ESRRB: variants seen among roughly 807,000 people sequenced by gnomAD.
ESRRB encodes the protein steroid hormone receptor ERR2.
Under a neutral mutation model 46.0 loss-of-function variants are expected in ESRRB, and 16 were observed. The ratio of observed to expected loss-of-function variants is 0.35; its 90% confidence interval spans 0.24 to 0.53. The LOEUF is 0.53. Ranked by LOEUF, ESRRB falls within the 20% of genes least tolerant of loss-of-function variation. The probability of loss-of-function intolerance (pLI) is 0.93; values close to 1 mark genes in which losing one functional copy is unlikely to be tolerated. For missense variants in ESRRB, 488 were observed against 607.4 expected (o/e 0.80, Z 2.07); for synonymous variants, 246 against 259.6 (o/e 0.95, Z 0.50).
chr14:76,449,133 GA>G (rs1215416923), intron 2 of ESRRB, among the ~76,000 whole-genome samples: 10 of 152,128 alleles, frequency 6.6e-5, no homozygotes, highest in African/African-American at 2.4e-4. Flanking sequence ...ACCATAAGGG[GA>G]GTTCTTTTTT....
chr14:76,404,389 C>T (rs1443981242), intron 1 of ESRRB: 1 of 151,066 alleles, frequency 6.6e-6, no homozygotes. Flanking sequence ...TCTGTCTCTC[C>T]CACCAGAATA....
At chr14:76,338,169 AAGGGTTTGTC>A (rs986126264) in intron 1 of ESRRB, among the ~76,000 whole-genome samples, 18 of 152,250 alleles carry the variant, frequency 1.2e-4, no homozygotes, top group Non-Finnish European at 2.1e-4. Context: ...ACGCATTAAA[AAGGGTTTGTC>A]AGGATCTTAT....
chr14:76,317,903 C>G (rs1030208632), intron 1 of ESRRB, among the ~76,000 whole-genome samples: 9 of 152,170 alleles, frequency 5.9e-5, no homozygotes, highest in Non-Finnish European at 1.0e-4. Context: ...GGTTATCCAG[C>G]CTGTGTTCCT....
chr14:76,385,545 G>A (rs78981173), intron 1 of ESRRB, among the ~76,000 whole-genome samples: 68 of 152,318 alleles, frequency 4.5e-4, no homozygotes, highest in Non-Finnish European at 6.9e-4. Context: ...TGGCTTGAGC[G>A]ATGCCTTTAT....
intron 1 of ESRRB, among the ~76,000 whole-genome samples, chr14:76,341,576 T>A (rs1884192394): frequency 6.6e-6 from 1 of 152,236 alleles, no homozygotes; most frequent in African/African-American, 2.4e-5. Context: ...CTAGGGAAGA[T>A]GGGCCATGAG....
intron 1 of ESRRB, among the ~76,000 whole-genome samples, chr14:76,433,260 A>G (rs1330666004): frequency 6.6e-6 from 1 of 152,136 alleles, no homozygotes; most frequent in Non-Finnish European, 1.5e-5. Flanking sequence ...GCTGACACGT[A>G]TTTTGTGTCT....
At chr14:76,381,652 G>A (rs189306404) in intron 1 of ESRRB, among the ~76,000 whole-genome samples, 1 of 152,254 alleles carries the variant, frequency 6.6e-6, no homozygotes, top group East Asian at 1.9e-4. Context: ...ACTTCCATCT[G>A]GTGCTCCTGG....
intron 1 of ESRRB, among the ~76,000 whole-genome samples, chr14:76,311,337 A>C (rs1395113643): frequency 1.3e-5 from 2 of 152,186 alleles, no homozygotes; most frequent in African/African-American, 4.8e-5. Context: ...GTGTAGGGCA[A>C]GCTGGGGAAG....
At chr14:76,323,522 C>T (rs1179445406) in intron 1 of ESRRB, among the ~76,000 whole-genome samples, 1 of 151,848 alleles carries the variant, frequency 6.6e-6, no homozygotes, top group Non-Finnish European at 1.5e-5. Context: ...TTTGCCCAGG[C>T]TTGTCTTGAA....
At chr14:76,413,742 A>C (rs549441486) in intron 1 of ESRRB, among the ~76,000 whole-genome samples, 2 of 152,210 alleles carry the variant, frequency 1.3e-5, no homozygotes, top group South Asian at 4.1e-4. Context: ...TAGTAAATGA[A>C]ATAAGTAAGC....
At chr14:76,373,109 T>C (rs1884662941), upstream of ESRRB, among the ~76,000 whole-genome samples, 2 of 152,230 alleles carry the variant, frequency 1.3e-5, no homozygotes, top group Admixed American at 6.5e-5. Context: ...TGCTGTCATC[T>C]TACATCCTCC....
chr14:76,435,766 G>A (rs1887648349), intron 1 of ESRRB, among the ~76,000 whole-genome samples: 1 of 152,236 alleles, frequency 6.6e-6, no homozygotes. Context: ...AGGAAGCAGA[G>A]GTTGCAGTGA....
At chr14:76,330,809 G>A (rs1438240846) in intron 1 of ESRRB, among the ~76,000 whole-genome samples, 3 of 152,196 alleles carry the variant, frequency 2.0e-5, no homozygotes, top group Admixed American at 6.5e-5. Flanking sequence ...AGGTCTGGGG[G>A]ATGGGGGCAG....
chr14:76,358,522 C>G (rs1413094782), intron 1 of ESRRB, among the ~76,000 whole-genome samples: 1 of 151,406 alleles, frequency 6.6e-6, no homozygotes, highest in Non-Finnish European at 1.5e-5. Context: ...GTGCTGGGTA[C>G]ATAGATATGT....
chr14:76,393,429 A>T (rs1156713318), intron 1 of ESRRB, among the ~76,000 whole-genome samples: 2 of 152,348 alleles, frequency 1.3e-5, no homozygotes, highest in East Asian at 3.9e-4. Flanking sequence ...TAATAAAAAT[A>T]GTTACATATG....
At chr14:76,342,202 T>C (rs1039930553) in intron 1 of ESRRB, among the ~76,000 whole-genome samples, 7 of 152,176 alleles carry the variant, frequency 4.6e-5, no homozygotes, top group Admixed American at 1.3e-4. Context: ...TGGGTGGCAT[T>C]GTGAGAGTTC....
At chr14:76,475,922 G>C (rs147099048) in intron 3 of ESRRB, among the ~76,000 whole-genome samples, 90 of 152,248 alleles carry the variant, frequency 5.9e-4, no homozygotes, top group African/African-American at 1.9e-3. Flanking sequence ...ATAATACAGA[G>C]AGATGCCATG....
rs1444936701 is a variant in ESRRB at position 76,310,978 on chromosome 14, T to TTTTC, written c.2+63_2+64insTTCT. ...CTCTGCGGGTCCTTTTCTGTCCCCTTTCTCTCTCTCTCTCTCTCTCTCTCT... is the reference window on the plus strand; with the variant it reads ...CTCTGCGGGTCCTTTTCTGTCCCCTTTTTCTCTCTCTCTCTCTCTCTCTCTCTCT... On this transcript the variant is annotated intron_variant, in intron 1 of 6. Coordinates refer to the ESRRB transcript ENST00000512784. 9.6e-5 allele frequency: 35 copies of TTTTC among 362,750 alleles called. No homozygotes were observed. In the East Asian group the frequency reaches 2.3e-3, roughly 24 times the overall value. The allele number at this position is 362,750 out of a possible 1,614,324, so 22.5% of individuals were successfully genotyped here.
intron 6 of ESRRB, among the ~76,000 whole-genome samples, 198 bp from the exon 7 acceptor site, chr14:76,498,016 A>G (rs1890497648): frequency 6.6e-6 from 1 of 152,076 alleles, no homozygotes; most frequent in Non-Finnish European, 1.5e-5. Flanking sequence ...TGTAGACGCC[A>G]GTCTCTCCCT....
Sources: allele counts gnomAD v4.1 joint callset (sites outside exome capture counted in the v4.1 genomes callset), GRCh38; gene constraint gnomAD v4.1.1; transcripts MANE v1.5; gene names NCBI Gene and HGNC (gene_info 2026-07-23, HGNC 2026-07-21).